The following ROGDI variants were observed in gnomAD, a reference collection of about 807,000 sequenced individuals.
The protein encoded by ROGDI is rogdi atypical leucine zipper, also known as protein rogdi homolog.
ROGDI carries 46 observed loss-of-function variants against 43.1 expected under a neutral mutation model. That is an observed-to-expected ratio of 1.07 (90% CI 0.84 to 1.37). The LOEUF (loss-of-function observed/expected upper bound fraction) is 1.37. Ranked by LOEUF, ROGDI falls within the 40% of genes most tolerant of loss-of-function variation. The pLI, the probability that ROGDI is intolerant of heterozygous loss-of-function variation, is 0.00. For synonymous variants in ROGDI, 243 were observed against 162.0 expected (o/e 1.50, Z -3.80); for missense variants, 518 against 383.9 (o/e 1.35, Z -2.92).
chr16:4,801,574 C>G lies in ROGDI; in HGVS notation c.129G>C (p.Leu43=). The G allele has an allele frequency of 6.2e-7, 1 of 1,600,944 alleles. No individual in the cohort carries two copies. Among genetic ancestry groups the G allele is most frequent in the Non-Finnish European group, 8.5e-7 (1 of 1,173,962 alleles). ...TGCCGGAGCCCGGCAGAGTGAAGCG[C>G]AGAGAGGCCTCCTGTGGAACAGAGG... The part of the protein sequence containing the change: ...QLQDILKEAS[L]RFTLPGSGTE... Residue 43 remains leucine (L), a synonymous_variant, in exon 3 of 11, where the codon CTG becomes CTC. Coordinates refer to ENST00000322048, the MANE Select transcript of ROGDI (RefSeq NM_024589.3).
Position 4,802,602 on chromosome 16 carries a change from A to T in ROGDI, c.-31T>A. The T allele has an allele frequency of 4.6e-6, 6 of 1,295,754 alleles. No homozygotes were observed. The highest frequency in any genetic ancestry group is 5.9e-6 in the Non-Finnish European group (6 of 1,019,234). 80.3% of individuals were successfully genotyped at this position (1,295,754 alleles called of 1,614,324 possible). A position where few individuals can be genotyped will look rare whatever the true frequency, so the allele number is the denominator to read the frequency against. On this transcript the variant is annotated 5_prime_UTR_variant, in exon 1 of 11. Transcript: ENST00000322048. Reference sequence around the variant, plus strand: ...CAGGCCGCCGCCGAGCGCCCTCCCCACCGGCCGCTGCTCCTGTCCACCAAT... The same window carrying T: ...CAGGCCGCCGCCGAGCGCCCTCCCCTCCGGCCGCTGCTCCTGTCCACCAAT...
chr16:4,801,076 C>T (rs537903784), intron 4 of ROGDI, 191 bp downstream of exon 4: 15 of 553,956 alleles, frequency 2.7e-5, no homozygotes, highest in Non-Finnish European at 3.5e-5. Context: ...CTCTCCTGCA[C>T]CTCTTACTGA....
chr16:4,800,483 G>A lies in ROGDI; in HGVS notation c.336+15C>T. On this transcript the variant is annotated intron_variant, in intron 5 of 10. Coordinates refer to ENST00000322048, the MANE Select transcript of ROGDI (RefSeq NM_024589.3). ...GTCCTTGTGGCTGAGCACTAGCCAG[G>A]AGGGGCGGGGTCACCTGCTGCAGCT... The A allele has an allele frequency of 6.4e-7, 1 of 1,550,964 alleles. No homozygotes were observed. Among genetic ancestry groups the A allele is most frequent in the Non-Finnish European group, 8.7e-7 (1 of 1,145,868 alleles).
chr16:4,797,545 G>A, intron 10 of ROGDI, 44 bp from the exon 11 acceptor site: 2 of 1,595,264 alleles, frequency 1.3e-6, no homozygotes, highest in Non-Finnish European at 1.7e-6. Flanking sequence ...GGGGGATGGG[G>A]TAGCCCAGGG....
chr16:4,802,458 G>T lies in ROGDI; in HGVS notation c.46-5C>A. On this transcript the variant is annotated splice_polypyrimidine_tract_variant and splice_region_variant and intron_variant, in intron 1 of 10. Transcript: ENST00000322048. ...CAGCCAGCGGAACTCCTCCTCCTGCGGGACAGACCCGGCGGTCGCGCCCGG... is the reference window on the plus strand; with the variant it reads ...CAGCCAGCGGAACTCCTCCTCCTGCTGGACAGACCCGGCGGTCGCGCCCGG... 7.7e-7 allele frequency: 1 copy of T among 1,294,766 alleles called. No homozygotes were observed. The allele number at this position is 1,294,766 out of a possible 1,614,324, so 80.2% of individuals were successfully genotyped here. A position where few individuals can be genotyped will look rare whatever the true frequency, so the allele number is the denominator to read the frequency against.
chr16:4,802,046 G>GAGGTTCAGTGA (rs1470029762), intron 2 of ROGDI: 1 of 597,040 alleles, frequency 1.7e-6, no homozygotes, highest in East Asian at 3.7e-5. Context: ...GAGGCCCAGG[G>GAGGTTCAGTGA]AGGTTCAGTG....
chr16:4,799,160 C>G (rs1028240242), intron 6 of ROGDI, among the ~76,000 whole-genome samples: 1 of 152,170 alleles, frequency 6.6e-6, no homozygotes, highest in African/African-American at 2.4e-5. Flanking sequence ...AGAGCCCCAG[C>G]TTTCGTGCCA....
At chr16:4,798,542 G>A (rs767590333) in intron 7 of ROGDI, 27 bp downstream of exon 7, 23 of 1,513,286 alleles carry the variant, frequency 1.5e-5, no homozygotes, top group Non-Finnish European at 1.9e-5. Context: ...CCCCTCTCCT[G>A]CAGCAGGGGC....
chr16:4,801,006 T>G, intron 4 of ROGDI: 1 of 510,300 alleles, frequency 2.0e-6, no homozygotes, highest in Non-Finnish European at 3.5e-6. Context: ...GCCAGCCTAA[T>G]CCACCAATGC....
Position 4,801,526 on chromosome 16 carries a change from C to G in ROGDI, c.177G>C (p.Glu59Asp), listed in dbSNP as rs752378102. The change falls in exon 3 of 11, where the codon GAG (glutamate) becomes GAC (aspartate). Residue 59 changes from glutamate to aspartate, a missense_variant. Coordinates refer to ENST00000322048, the MANE Select transcript of ROGDI (RefSeq NM_024589.3). ...GSGTEGPAKQENFILGSCGTD... is the reference protein window; with the variant it reads ...GSGTEGPAKQDNFILGSCGTD... Reference sequence around the variant, plus strand: ...ACCCACAGCTGCCTAGGATGAAGTTCTCTTGCTTGGCGGGCCCCTCAGTGC... The same window carrying G: ...ACCCACAGCTGCCTAGGATGAAGTTGTCTTGCTTGGCGGGCCCCTCAGTGC... 2 of 1,607,008 alleles carry G rather than the reference C, an allele frequency of 1.2e-6. No homozygotes were observed. Among genetic ancestry groups the G allele is most frequent in the Admixed American group, 3.4e-5 (2 of 58,794 alleles).
rs761464798 is a variant in ROGDI, at chr16:4,799,791, G to A, written c.337-10C>T. On this transcript the variant is annotated splice_polypyrimidine_tract_variant and intron_variant, in intron 5 of 10. Transcript: ENST00000322048. ...TTCTGGCATCCTGGATCTGGAAGCA[G>A]GGGTCATCCAGAGGGGTCACGCCAG... 3 of 1,606,556 alleles carry A rather than the reference G, an allele frequency of 1.9e-6. No individual in the cohort carries two copies. Among genetic ancestry groups the A allele is most frequent in the East Asian group, 2.2e-5 (1 of 44,804 alleles).
At chr16:4,802,304 C>T (rs932249288) in intron 2 of ROGDI, 78 bp downstream of exon 2, 10 of 1,326,046 alleles carry the variant, frequency 7.5e-6, no homozygotes, top group East Asian at 5.1e-5. Flanking sequence ...CAGGACGCAG[C>T]CGCGCGGCCC....
intron 6 of ROGDI, 61 bp from the exon 7 acceptor site, chr16:4,798,728 C>A: frequency 7.3e-7 from 1 of 1,364,490 alleles, no homozygotes; most frequent in South Asian, 1.3e-5. Flanking sequence ...TAAGGAACAA[C>A]AGACATGGTA....
chr16:4,801,801 T>C, intron 2 of ROGDI: 1 of 600,340 alleles, frequency 1.7e-6, no homozygotes, highest in Admixed American at 2.8e-5. Context: ...CCTGAACACC[T>C]CCTGTGTGCC....
intron 6 of ROGDI, 191 bp from the exon 7 acceptor site, chr16:4,798,858 C>T (rs2082686202): frequency 1.7e-6 from 1 of 588,868 alleles, no homozygotes; most frequent in Non-Finnish European, 3.0e-6. Flanking sequence ...AGGATGTCTG[C>T]ACTAATGTCA....
At chr16:4,798,733 A>G in intron 6 of ROGDI, 66 bp from the exon 7 acceptor site, 5 of 1,316,096 alleles carry the variant, frequency 3.8e-6, no homozygotes, top group African/African-American at 1.5e-5. Context: ...AACAACAGAC[A>G]TGGTAGCTCC....
chr16:4,799,413 G>A (rs1401936972), intron 6 of ROGDI, among the ~76,000 whole-genome samples: 1 of 152,126 alleles, frequency 6.6e-6, no homozygotes, highest in Non-Finnish European at 1.5e-5. Context: ...CTCTTCACAT[G>A]TGCCACGCGG....
intron 3 of ROGDI, 56 bp downstream of exon 3, chr16:4,801,447 T>C: frequency 3.8e-6 from 6 of 1,571,578 alleles, no homozygotes; most frequent in South Asian, 1.1e-5. Flanking sequence ...GCTATGGCCA[T>C]GCCTCCTACC....
In ROGDI at chr16:4,797,045, C is replaced by T. The variant is rs2141903642; in HGVS notation, c.*415G>A. On this transcript the variant is annotated 3_prime_UTR_variant, in exon 11 of 11. Coordinates refer to ENST00000322048, the MANE Select transcript of ROGDI (RefSeq NM_024589.3). ...CACAGTCACCAGCACTATACTCACTCCTAGGGTGGCTCTGTCTGTGGCGTT... is the reference window on the plus strand; with the variant it reads ...CACAGTCACCAGCACTATACTCACTTCTAGGGTGGCTCTGTCTGTGGCGTT... 1 of 218,242 alleles carries T rather than the reference C, an allele frequency of 4.6e-6. No individual in the cohort carries two copies. Among genetic ancestry groups the T allele is most frequent in the East Asian group, 1.1e-4 (1 of 8,796 alleles). 13.5% of individuals were successfully genotyped at this position (218,242 alleles called of 1,614,324 possible).
Sources: gnomAD v4.1 joint callset for allele counts (sites outside exome capture counted in the v4.1 genomes callset) on GRCh38, gnomAD v4.1.1 for gene constraint, MANE v1.5 for transcripts, NCBI Gene and HGNC (gene_info 2026-07-23, HGNC 2026-07-21) for gene names.